DENND10: variants seen among roughly 807,000 people sequenced by gnomAD.
DENND10 encodes DENN domain-containing protein 10.
A neutral mutation model predicts 43.6 loss-of-function variants in DENND10; 24 were observed. That is an observed-to-expected ratio of 0.55 (90% CI 0.40 to 0.77). The LOEUF is 0.77. DENND10 is among the 30% of genes least tolerant of loss of function. The pLI is 0.00. For synonymous variants in DENND10, 125 were observed against 157.6 expected (o/e 0.79, Z 1.55); for missense variants, 303 against 429.9 (o/e 0.70, Z 2.61).
At chr10:119,125,272 G>A (rs1250707676) in intron 6 of DENND10, among the ~76,000 whole-genome samples, 1 of 151,582 alleles carries the variant, frequency 6.6e-6, no homozygotes, top group Non-Finnish European at 1.5e-5. Context: ...GTGCCTGGCC[G>A]AACTTGTAAA....
Position 119,120,422 on chromosome 10 carries a change from C to T in DENND10, c.563C>T (p.Pro188Leu). Residue 188 changes from proline to leucine, a missense_variant, in exon 5 of 9, where the codon CCC (proline) becomes CTC (leucine). Transcript: ENST00000361432. ...AAGAAAAGAATTGTGGTGTATCACC[C>T]CAAGATAGAAGCGGTCCAGGAGTTC... ...MLKKRIVVYH[P>L]KIEAVQEFTR... The T allele has an allele frequency of 1.2e-6, 2 of 1,610,840 alleles. No individual in the cohort carries two copies. Among genetic ancestry groups the T allele is most frequent in the Non-Finnish European group, 1.7e-6 (2 of 1,177,126 alleles).
chr10:119,127,900 G>C (rs1845904261), intron 6 of DENND10, among the ~76,000 whole-genome samples: 1 of 152,126 alleles, frequency 6.6e-6, no homozygotes, highest in African/African-American at 2.4e-5. Flanking sequence ...AAAGTGCTGG[G>C]ATTACAGGCA....
rs529153666 is a variant in DENND10 at position 119,110,260 on chromosome 10, C to T, written c.253-1589C>T. ...GATCTCGGCTCACTGCAACCTCTGC[C>T]TCCCAGGATCAAGCGATTCTTGTGC... On this transcript the variant is annotated intron_variant, in intron 2 of 8. Coordinates refer to ENST00000361432, the MANE Select transcript of DENND10 (RefSeq NM_207009.4). 5.3e-5 allele frequency among the ~76,000 whole-genome samples: 8 copies of T among 151,666 alleles called. No homozygotes were observed. The South Asian group carries it at 1.5e-3, about 28-fold the overall frequency.
Position 119,132,697 on chromosome 10 carries a change from G to A in DENND10, c.897+88G>A. 5.5e-6 allele frequency: 6 copies of A among 1,085,568 alleles called. No homozygotes were observed. The highest frequency in any genetic ancestry group is 3.4e-5 in the Admixed American group (2 of 58,160). 67.2% of individuals were successfully genotyped at this position (1,085,568 alleles called of 1,614,324 possible). ...CAGAGCTGTGCACATAAGCAGAGTG[G>A]GGGGCTGTGGTAGAGGCCAGCGGGC... On this transcript the variant is annotated intron_variant, in intron 8 of 8. Transcript: ENST00000361432. This position sits in a 1 kb window ranked among gnomAD's most constrained non-coding sequence, Gnocchi z 4.2.
At chr10:119,104,315 G>A (rs1844575005) in intron 1 of DENND10, 118 bp downstream of exon 1, 3 of 956,344 alleles carry the variant, frequency 3.1e-6, no homozygotes, top group East Asian at 3.3e-5. Flanking sequence ...AGGAGGGCGC[G>A]GCCCCCTCCC....
At position 119,132,699 on chromosome 10, in the gene DENND10, G is replaced by A. The variant is rs1846139197; in HGVS notation, c.897+90G>A. 3 of 1,079,504 alleles carry A rather than the reference G, an allele frequency of 2.8e-6. No individual in the cohort carries two copies. The highest frequency in any genetic ancestry group is 4.3e-6 in the Non-Finnish European group (3 of 695,228). The allele number at this position is 1,079,504 out of a possible 1,614,324, so 66.9% of individuals were successfully genotyped here. ...GAGCTGTGCACATAAGCAGAGTGGGGGGCTGTGGTAGAGGCCAGCGGGCAG... is the reference window on the plus strand; with the variant it reads ...GAGCTGTGCACATAAGCAGAGTGGGAGGCTGTGGTAGAGGCCAGCGGGCAG... On this transcript the variant is annotated intron_variant, in intron 8 of 8. Coordinates refer to ENST00000361432, the MANE Select transcript of DENND10 (RefSeq NM_207009.4). This position sits in a 1 kb window ranked among gnomAD's most constrained non-coding sequence, Gnocchi z 4.2.
intron 5 of DENND10, among the ~76,000 whole-genome samples, chr10:119,121,702 C>G (rs185870134): frequency 2.0e-5 from 3 of 151,958 alleles, no homozygotes; most frequent in Admixed American, 6.6e-5. Context: ...ATCTGCCCGT[C>G]TCGGCCTCCT....
chr10:119,135,253 TGTG>T (rs1041697084), intron 8 of DENND10: 2 of 151,832 alleles, frequency 1.3e-5, no homozygotes, highest in African/African-American at 4.8e-5. Flanking sequence ...CCATTGTAAA[TGTG>T]GTCCCTGGTT....
At chr10:119,121,445 CTTTTTTTT>C (rs773938225) in intron 5 of DENND10, among the ~76,000 whole-genome samples, 1 of 112,908 alleles carries the variant, frequency 8.9e-6, no homozygotes, top group South Asian at 2.7e-4. Flanking sequence ...CCATTAGGTC[CTTTTTTTT>C]TTTTTTTTTT....
rs527521964 is a variant in DENND10, at chr10:119,130,495, A to C, written c.802+873A>C. Among the ~76,000 whole-genome samples the C allele has an allele frequency of 8.5e-5, 13 of 152,198 alleles. No homozygotes were observed. The South Asian group carries it at 2.5e-3, about 29-fold the overall frequency. ...GTATTTTTACTTGAGACAGGGTTTC[A>C]CCATGTCGGCCAGGCTGGTCTCGAA... On this transcript the variant is annotated intron_variant, in intron 7 of 8. Coordinates refer to ENST00000361432, the MANE Select transcript of DENND10 (RefSeq NM_207009.4).
chr10:119,119,224 G>A (rs1176613106), intron 4 of DENND10, among the ~76,000 whole-genome samples: 3 of 151,946 alleles, frequency 2.0e-5, no homozygotes, highest in South Asian at 2.1e-4. Context: ...GGCTGGTCTC[G>A]AACTCCTGAC....
At position 119,132,507 on chromosome 10, in the gene DENND10, C is replaced by T. The variant is rs1451091555; in HGVS notation, c.803-8C>T. The T allele has an allele frequency of 1.2e-6, 2 of 1,606,516 alleles. No individual in the cohort carries two copies. The highest frequency in any genetic ancestry group is 2.7e-5 in the African/African-American group (2 of 74,732). ...ATTTCTAAATATTCACCTTCTTGAT[C>T]TCACCAGAGGCCATGGCAATGGGCA... On this transcript the variant is annotated splice_polypyrimidine_tract_variant and splice_region_variant and intron_variant, in intron 7 of 8. Coordinates refer to ENST00000361432, the MANE Select transcript of DENND10 (RefSeq NM_207009.4). This position sits in a 1 kb window ranked among gnomAD's most constrained non-coding sequence, Gnocchi z 4.2.
chr10:119,132,412 G>A lies in DENND10; in HGVS notation c.803-103G>A. The stretch of plus-strand genomic sequence containing the variant: ...ATGGACATGTGGGAGGTTATCAGCT[G>A]CTTTTTGAAAATTCCCTCAGTGTGG... On this transcript the variant is annotated intron_variant, in intron 7 of 8. Coordinates refer to ENST00000361432, the MANE Select transcript of DENND10 (RefSeq NM_207009.4). The surrounding 1 kb of genome is among the most constrained non-coding windows in gnomAD (Gnocchi z 4.2). The A allele has an allele frequency of 1.1e-6, 1 of 884,798 alleles. No individual in the cohort carries two copies. 54.8% of individuals were successfully genotyped at this position (884,798 alleles called of 1,614,324 possible). A position where few individuals can be genotyped will look rare whatever the true frequency, so the allele number is the denominator to read the frequency against.
In DENND10 at chr10:119,129,559, G is replaced by T; in HGVS notation, c.739G>T (p.Asp247Tyr). The T allele has an allele frequency of 6.2e-7, 1 of 1,613,984 alleles. No homozygotes were observed. The highest frequency in any genetic ancestry group is 8.5e-7 in the Non-Finnish European group (1 of 1,179,878). Residue 247 changes from aspartate to tyrosine, a missense_variant, in exon 7 of 9, where the codon GAC (aspartate) becomes TAC (tyrosine). Transcript: ENST00000361432. ...FVDLEVSNRP[D>Y]LYDVFVNLAE... ...AGACTTGGAGGTGAGCAACAGACCA[G>T]ACCTCTATGATGTGTTTGTGAATCT...
chr10:119,117,696 G>C, intron 4 of DENND10, 29 bp downstream of exon 4: 1 of 1,609,848 alleles, frequency 6.2e-7, no homozygotes, highest in East Asian at 2.2e-5. Flanking sequence ...GGCCAGGGAC[G>C]GTGGCTCACG....
chr10:119,128,082 G>A (rs1340813880), intron 6 of DENND10, among the ~76,000 whole-genome samples: 1 of 152,150 alleles, frequency 6.6e-6, no homozygotes, highest in Non-Finnish European at 1.5e-5. Flanking sequence ...GGAGGCTAAG[G>A]TGGGTGGATC....
intron 7 of DENND10, among the ~76,000 whole-genome samples, chr10:119,131,329 G>T (rs996179526): frequency 6.6e-6 from 1 of 152,120 alleles, no homozygotes; most frequent in African/African-American, 2.4e-5. Context: ...GTGGTGGCAG[G>T]CGCCTCTAGT....
chr10:119,120,217 C>G (rs775217301), intron 4 of DENND10, 124 bp from the exon 5 acceptor site: 1 of 576,840 alleles, frequency 1.7e-6, no homozygotes, highest in East Asian at 3.3e-5. Context: ...CACTGCATTC[C>G]AGCCTGGGTG....
chr10:119,121,504 T>C (rs1247497186), intron 5 of DENND10, among the ~76,000 whole-genome samples: 3 of 141,990 alleles, frequency 2.1e-5, no homozygotes, highest in South Asian at 2.2e-4. Context: ...CAGGCTGGAG[T>C]GGTACAGTGG....
Sources: gnomAD v4.1 joint callset for allele counts (sites outside exome capture counted in the v4.1 genomes callset) on GRCh38, gnomAD v4.1.1 for gene constraint, Gnocchi (gnomAD v3.1) non-coding constraint, MANE v1.5 for transcripts, NCBI Gene and HGNC (gene_info 2026-07-23, HGNC 2026-07-21) for gene names.